GUCY1A2: variants seen among roughly 807,000 people sequenced by gnomAD.
GUCY1A2 encodes guanylate cyclase soluble subunit alpha-2.
GUCY1A2 carries 27 observed loss-of-function variants against 63.5 expected under a neutral mutation model. That is an observed-to-expected ratio of 0.43 (90% CI 0.31 to 0.59). The LOEUF is 0.59. Among genes scored for constraint, GUCY1A2 ranks in the 20% least tolerant of loss-of-function variants. The pLI, the probability that GUCY1A2 is intolerant of heterozygous loss-of-function variation, is 0.11. For synonymous variants in GUCY1A2, 364 were observed against 343.5 expected, an observed-to-expected ratio of 1.06 and a Z score of -0.66; for missense variants, 768 against 913.3, an observed-to-expected ratio of 0.84 and a Z score of 2.05.
chr11:106,777,806 G>A (rs1221705484), intron 5 of GUCY1A2, among the ~76,000 whole-genome samples: 2 of 152,020 alleles, frequency 1.3e-5, no homozygotes, highest in African/African-American at 4.8e-5. Flanking sequence ...TTCTGCACAT[G>A]TACCCCAGAA....
intron 2 of GUCY1A2, among the ~76,000 whole-genome samples, 179 bp downstream of exon 2, chr11:106,985,891 G>A (rs1861394410): frequency 6.6e-6 from 1 of 152,058 alleles, no homozygotes; most frequent in African/African-American, 2.4e-5. Flanking sequence ...GCACAAATAA[G>A]CCAAAAGAAA....
chr11:106,709,076 A>G (rs984320119), intron 6 of GUCY1A2, among the ~76,000 whole-genome samples: 1 of 138,886 alleles, frequency 7.2e-6, no homozygotes, highest in Non-Finnish European at 1.6e-5. Flanking sequence ...TATAAATTAA[A>G]TATTTATATT....
chr11:106,782,013 G>A (rs1864473651), intron 5 of GUCY1A2, among the ~76,000 whole-genome samples: 1 of 152,140 alleles, frequency 6.6e-6, no homozygotes. Flanking sequence ...GGATATTTGG[G>A]CACAGATGGA....
intron 1 of GUCY1A2, among the ~76,000 whole-genome samples, chr11:106,990,940 A>T (rs576208692): frequency 2.8e-4 from 43 of 152,358 alleles, no homozygotes; most frequent in Admixed American, 7.8e-4. Flanking sequence ...CAAGACACAA[A>T]CTTAATAGAA....
rs574063231 is a variant in GUCY1A2, at chr11:106,965,316, T to G, written c.487+13303A>C. Among the ~76,000 whole-genome samples, 4 of 152,244 alleles carry G rather than the reference T, an allele frequency of 2.6e-5. No homozygotes were observed. The South Asian group carries it at 8.3e-4, about 32-fold the overall frequency. On this transcript the variant is annotated intron_variant, in intron 3 of 7. Coordinates refer to ENST00000526355, the MANE Select transcript of GUCY1A2 (RefSeq NM_000855.3). ...GTAAAATGGAAATAATAATACCTAA[T>G]TATAGACTTTAGCAAGGTACAAAAT...
intron 4 of GUCY1A2, among the ~76,000 whole-genome samples, chr11:106,935,177 G>T (rs1860658809): frequency 6.6e-6 from 1 of 152,260 alleles, no homozygotes; most frequent in Non-Finnish European, 1.5e-5. Context: ...GATGTTAGGT[G>T]AGCTCAATAT....
chr11:106,925,177 GAGAA>G (rs1275695626), intron 4 of GUCY1A2, among the ~76,000 whole-genome samples: 2 of 151,970 alleles, frequency 1.3e-5, no homozygotes, highest in African/African-American at 4.8e-5. Context: ...GAGAGACAGA[GAGAA>G]AGAAAGACAG....
rs1258532633 is a variant in GUCY1A2 at position 106,680,446 on chromosome 11, C to T, written c.*7103G>A. On this transcript the variant is annotated 3_prime_UTR_variant, in exon 8 of 8. Transcript: ENST00000526355. ...AAAGAATCAAAAAGTAACTATTACT[C>T]AGACCTGCCATTTGGTTTTTCTTTT... The T allele has an allele frequency of 4.8e-6, 1 of 207,152 alleles. No homozygotes were observed. Among genetic ancestry groups the T allele is most frequent in the African/African-American group, 2.3e-5 (1 of 43,826 alleles). The allele number at this position is 207,152 out of a possible 1,614,324, so 12.8% of individuals were successfully genotyped here.
At chr11:106,792,553 T>A (rs923369942) in intron 5 of GUCY1A2, among the ~76,000 whole-genome samples, 3 of 152,030 alleles carry the variant, frequency 2.0e-5, no homozygotes, top group Non-Finnish European at 2.9e-5. Flanking sequence ...AGGCTTTCAA[T>A]AAAATTCAAC....
At chr11:106,780,153 C>T (rs545286568) in intron 5 of GUCY1A2, among the ~76,000 whole-genome samples, 1 of 152,120 alleles carries the variant, frequency 6.6e-6, no homozygotes, top group Non-Finnish European at 1.5e-5. Flanking sequence ...AAAGCGAGAA[C>T]GAGACCTTTC....
intron 5 of GUCY1A2, among the ~76,000 whole-genome samples, chr11:106,807,306 G>A (rs2046682): frequency 0.58 from 88,633 of 151,952 alleles, 26,397 homozygotes; most frequent in East Asian, 0.75. Context: ...AGCACTGTGT[G>A]TATTTTCTAG....
At chr11:106,886,013 A>G (rs1859896122) in intron 4 of GUCY1A2, among the ~76,000 whole-genome samples, 1 of 152,140 alleles carries the variant, frequency 6.6e-6, no homozygotes, top group Admixed American at 6.5e-5. Flanking sequence ...ATTACTGGGG[A>G]AAAGGAGGAT....
chr11:106,768,179 T>G (rs1864195613), intron 6 of GUCY1A2, among the ~76,000 whole-genome samples: 1 of 152,272 alleles, frequency 6.6e-6, no homozygotes, highest in South Asian at 2.1e-4. Context: ...GATAAGGTAT[T>G]GTTATGCTGT....
chr11:106,798,001 A>G (rs1864798095), intron 5 of GUCY1A2, among the ~76,000 whole-genome samples: 1 of 152,226 alleles, frequency 6.6e-6, no homozygotes, highest in Middle Eastern at 3.2e-3. Flanking sequence ...AAAGATTAAC[A>G]AAATTGATAG....
intron 6 of GUCY1A2, among the ~76,000 whole-genome samples, chr11:106,741,627 ATTG>A (rs1230665782): frequency 6.6e-6 from 1 of 152,234 alleles, no homozygotes; most frequent in East Asian, 1.9e-4. Context: ...GTTTTGTACT[ATTG>A]TTGTCAGAAT....
chr11:106,852,528 G>A (rs1859370441), intron 4 of GUCY1A2, among the ~76,000 whole-genome samples: 1 of 152,034 alleles, frequency 6.6e-6, no homozygotes, highest in Non-Finnish European at 1.5e-5. Context: ...AAGGGATGCT[G>A]AATTTTATCA....
At chr11:106,837,975 T>A (rs1859139437) in intron 4 of GUCY1A2, among the ~76,000 whole-genome samples, 1 of 151,960 alleles carries the variant, frequency 6.6e-6, no homozygotes, top group South Asian at 2.1e-4. Flanking sequence ...ATGCTTTGCA[T>A]CTTCTCTATT....
intron 3 of GUCY1A2, among the ~76,000 whole-genome samples, chr11:106,967,442 G>A (rs1206797281): frequency 6.6e-6 from 1 of 151,938 alleles, no homozygotes; most frequent in Non-Finnish European, 1.5e-5. Context: ...AACAATGCAT[G>A]ACCCACTATT....
intron 5 of GUCY1A2, among the ~76,000 whole-genome samples, chr11:106,791,970 C>T (rs1031629682): frequency 2.6e-5 from 4 of 151,878 alleles, no homozygotes; most frequent in African/African-American, 7.3e-5. Flanking sequence ...ATCCTGATAC[C>T]AAAACCTGGC....
Sources: gnomAD v4.1 joint callset for allele counts (sites outside exome capture counted in the v4.1 genomes callset) on GRCh38, gnomAD v4.1.1 for gene constraint, MANE v1.5 for transcripts, NCBI Gene and HGNC (gene_info 2026-07-23, HGNC 2026-07-21) for gene names.